The following CENPE variants were observed in gnomAD, a reference collection of about 807,000 sequenced individuals.
CENPE encodes centromere-associated protein E.
In CENPE, 145 loss-of-function variants were observed where a neutral mutation model predicts 336.1. The ratio of observed to expected loss-of-function variants is 0.43; its 90% CI spans 0.38 to 0.50. CENPE has a LOEUF of 0.50. Ranked by LOEUF, CENPE falls within the 20% of genes least tolerant of loss-of-function variation. The pLI is 0.00. For synonymous variants in CENPE, 1,013 were observed against 984.8 expected, an observed-to-expected ratio of 1.03 and a Z score of -0.54; for missense variants, 2,719 against 3,023.3, an observed-to-expected ratio of 0.90 and a Z score of 2.36.
chr4:103,120,262 T>C lies in CENPE; in HGVS notation c.7215A>G (p.Ile2405Met). Residue 2405 changes from isoleucine (I) to methionine (M), a missense_variant, in exon 44 of 49, where the codon ATA becomes ATG. This residue lies in a region of CENPE where 2,437 missense variants were observed against 2,513.3 expected (regional missense o/e 0.97). Transcript: ENST00000265148. Reference protein sequence around the residue: ...ESAMHKESKIIKMQKELEVTN... With the variant: ...ESAMHKESKIMKMQKELEVTN... The stretch of plus-strand genomic sequence containing the variant: ...TCACCTCAAGTTCTTTCTGCATCTT[T>C]ATAATCTTGCTTTCCTTATGCATAG... The C allele has an allele frequency of 2.5e-6, 4 of 1,612,978 alleles. No homozygotes were observed. The highest frequency in any genetic ancestry group is 2.5e-6 in the Non-Finnish European group (3 of 1,179,584).
At chr4:103,178,818 C>T (rs1288764059) in intron 13 of CENPE, among the ~76,000 whole-genome samples, 1 of 152,168 alleles carries the variant, frequency 6.6e-6, no homozygotes, top group Non-Finnish European at 1.5e-5. Flanking sequence ...ATTCTTCTTT[C>T]TCTGCCTTAC....
At chr4:103,139,409 A>G (rs1330728561) in intron 38 of CENPE, among the ~76,000 whole-genome samples, 3 of 152,096 alleles carry the variant, frequency 2.0e-5, no homozygotes, top group African/African-American at 7.2e-5. Flanking sequence ...CTTCACCAAT[A>G]AGAGCCCAAC....
rs1446836950 is a variant in CENPE at position 103,141,655 on chromosome 4, G to T, written c.5463+95C>A. 4 of 791,250 alleles carry T rather than the reference G, an allele frequency of 5.1e-6. No individual in the cohort carries two copies. In the African/African-American group the frequency reaches 5.3e-5, roughly 10 times the overall value. The allele number at this position is 791,250 out of a possible 1,614,324, so 49.0% of individuals were successfully genotyped here. A position where few individuals can be genotyped will look rare whatever the true frequency, so the allele number is the denominator to read the frequency against. On this transcript the variant is annotated intron_variant, in intron 35 of 48. Transcript: ENST00000265148. The stretch of plus-strand genomic sequence containing the variant: ...TCCAGCATTAGTAAATACTGCCAAG[G>T]TGTTTTCCAGTGTGGTTGAACCATT...
At chr4:103,143,911 C>T (rs749360097) in intron 33 of CENPE, among the ~76,000 whole-genome samples, 15 of 151,910 alleles carry the variant, frequency 9.9e-5, no homozygotes, top group Admixed American at 2.0e-4. Context: ...AATATTGGAC[C>T]AATTTTATCT....
At chr4:103,127,271 C>G (rs1262111551) in intron 42 of CENPE, among the ~76,000 whole-genome samples, 2 of 151,960 alleles carry the variant, frequency 1.3e-5, no homozygotes, top group East Asian at 3.9e-4. Flanking sequence ...AGAATTACAT[C>G]TGACTTCTCT....
rs2720460 is a variant in CENPE at position 103,133,529 on chromosome 4, A to G, written c.6720+166T>C. Reference sequence around the variant, plus strand: ...TTCCTGTATCTATTGAGGTCTGAAGAGAGGCTAGTCCATTATTTGCCAGTC... The same window carrying G: ...TTCCTGTATCTATTGAGGTCTGAAGGGAGGCTAGTCCATTATTTGCCAGTC... On this transcript the variant is annotated intron_variant, in intron 41 of 48. Transcript: ENST00000265148. Among the ~76,000 whole-genome samples, 53,835 of 152,006 alleles carry G rather than the reference A, an allele frequency of 0.35. 9,714 individuals carry two copies. Among genetic ancestry groups the G allele is most frequent in the Middle Eastern group, 0.48 (140 of 294 alleles).
intron 8 of CENPE, among the ~76,000 whole-genome samples, chr4:103,193,344 T>G (rs114561161): frequency 0.014 from 2,199 of 152,254 alleles, 50 homozygotes; most frequent in African/African-American, 0.047. Flanking sequence ...TACAATTTTA[T>G]AGCAAAATAG....
At chr4:103,191,648 T>TGGGGGGGG (rs1757345710) in intron 8 of CENPE, among the ~76,000 whole-genome samples, 1 of 28,560 alleles carries the variant, frequency 3.5e-5, no homozygotes. Context: ...GGGCCTGTTG[T>TGGGGGGGG]GGGGTGGGGG....
chr4:103,184,810 G>C (rs1756623812), intron 9 of CENPE, among the ~76,000 whole-genome samples: 2 of 151,950 alleles, frequency 1.3e-5, no homozygotes, highest in African/African-American at 4.8e-5. Flanking sequence ...ACTCTTGTCT[G>C]TTTTTATGTT....
intron 16 of CENPE, among the ~76,000 whole-genome samples, chr4:103,172,833 A>C (rs1366411607): frequency 6.6e-6 from 1 of 151,882 alleles, no homozygotes; most frequent in African/African-American, 2.4e-5. Context: ...CTCTCAAATG[A>C]AAACTATAAA....
At chr4:103,120,022 T>C (rs1019091365) in intron 44 of CENPE, 126 bp downstream of exon 44, 1 of 636,572 alleles carries the variant, frequency 1.6e-6, no homozygotes, top group Non-Finnish European at 2.6e-6. Context: ...AGTACTGAAC[T>C]TCAGAAACAC....
In CENPE at chr4:103,118,047, C is replaced by G. The variant is rs184458654; in HGVS notation, c.7330-1358G>C. 2.0e-5 allele frequency among the ~76,000 whole-genome samples: 3 copies of G among 152,322 alleles called. No individual in the cohort carries two copies. In the East Asian group the frequency reaches 5.8e-4, roughly 29 times the overall value. ...CACAGCTGCTATTAACATACACATG[C>G]AGCCCTTTGTGTGCACATATATTCT... is the stretch of plus-strand genomic sequence containing the variant. On this transcript the variant is annotated intron_variant, in intron 44 of 48. Transcript: ENST00000265148.
chr4:103,117,040 T>C (rs1031769543), intron 44 of CENPE, among the ~76,000 whole-genome samples: 1 of 151,892 alleles, frequency 6.6e-6, no homozygotes, highest in African/African-American at 2.4e-5. Context: ...AATCAGAAAA[T>C]GAAACAAAAA....
chr4:103,140,306 A>C lies in CENPE; in HGVS notation c.5863T>G (p.Ser1955Ala), dbSNP rs763622080. 7 of 1,605,140 alleles carry C rather than the reference A, an allele frequency of 4.4e-6. No homozygotes were observed. In the South Asian group the frequency reaches 7.8e-5, roughly 18 times the overall value. The change falls in exon 37 of 49, where the codon TCA becomes GCA. Residue 1955 changes from serine (S) to alanine (A), a missense_variant. By Grantham distance (99) the Ser-to-Ala change is moderately conservative. Transcript: ENST00000265148. ...TTATCTAAATCCTTTTGAATGTCTGAAATTTGAATTGTCTTTTCTGAAATT... is the reference window on the plus strand; with the variant it reads ...TTATCTAAATCCTTTTGAATGTCTGCAATTTGAATTGTCTTTTCTGAAATT... ...EKISEKTIQI[S>A]DIQKDLDKSK...
rs546516254 is a variant in CENPE at position 103,178,278 on chromosome 4, G to T, written c.1243-1232C>A. Among the ~76,000 whole-genome samples, 468 of 152,098 alleles carry T rather than the reference G, an allele frequency of 3.1e-3. 4 individuals are homozygous for T. The highest frequency in any genetic ancestry group is 0.011 in the African/African-American group (444 of 41,468). The stretch of plus-strand genomic sequence containing the variant: ...AGAAGACCGGCTGACAAGATAAACT[G>T]GACCTTTAATGTTGCATGGCAATAT... On this transcript the variant is annotated intron_variant, in intron 13 of 48. Coordinates refer to ENST00000265148, the MANE Select transcript of CENPE (RefSeq NM_001813.3).
intron 32 of CENPE, 39 bp from the exon 33 acceptor site, chr4:103,144,657 T>G: frequency 7.1e-7 from 1 of 1,401,310 alleles, no homozygotes; most frequent in Non-Finnish European, 9.8e-7. Context: ...ATAGGCAGAA[T>G]TTTTTTAGGA....
intron 40 of CENPE, among the ~76,000 whole-genome samples, chr4:103,134,160 C>T (rs1381942559): frequency 6.6e-6 from 1 of 152,202 alleles, no homozygotes; most frequent in African/African-American, 2.4e-5. Context: ...TCAAATTCAA[C>T]ATGTTTAAAA....
chr4:103,193,922 T>C (rs1241437474), intron 8 of CENPE, among the ~76,000 whole-genome samples: 1 of 152,038 alleles, frequency 6.6e-6, no homozygotes, highest in Non-Finnish European at 1.5e-5. Flanking sequence ...AAGTGTTAAA[T>C]GTGTATAGAA....
At chr4:103,170,367 G>A (rs992109448) in intron 16 of CENPE, among the ~76,000 whole-genome samples, 3 of 152,172 alleles carry the variant, frequency 2.0e-5, no homozygotes, top group African/African-American at 7.2e-5. Flanking sequence ...AAGGAAAACA[G>A]TTGTAACATC....
Sources: allele counts gnomAD v4.1 joint callset (sites outside exome capture counted in the v4.1 genomes callset), GRCh38; gene constraint gnomAD v4.1.1; regional missense constraint gnomAD v4.1.1; transcripts MANE v1.5; gene names NCBI Gene and HGNC (gene_info 2026-07-23, HGNC 2026-07-21).